VCL: variants seen among roughly 807,000 people sequenced by gnomAD.
VCL encodes epididymis luminal protein 114.
VCL carries 47 observed loss-of-function variants against 125.7 expected under a neutral mutation model. The ratio of observed to expected loss-of-function variants is 0.37; its 90% CI spans 0.30 to 0.48. The LOEUF is 0.48. Ranked by LOEUF, VCL falls within the 20% of genes least tolerant of loss-of-function variation. The probability of loss-of-function intolerance (pLI) is 0.99; values close to 1 mark genes in which losing one functional copy is unlikely to be tolerated. For synonymous variants in VCL, 458 were observed against 514.6 expected (o/e 0.89, Z 1.49); for missense variants, 1,069 against 1,455.5 (o/e 0.73, Z 4.32).
At chr10:74,055,053 C>A (rs956788281) in intron 2 of VCL, among the ~76,000 whole-genome samples, 5 of 151,940 alleles carry the variant, frequency 3.3e-5, no homozygotes, top group Admixed American at 6.6e-5. Flanking sequence ...TAATCCCAGC[C>A]TTTTGGGAGG....
chr10:74,109,551 A>C (rs1840187957), intron 18 of VCL, among the ~76,000 whole-genome samples: 1 of 149,756 alleles, frequency 6.7e-6, no homozygotes, highest in Non-Finnish European at 1.5e-5. Context: ...GGCTGTGCTA[A>C]AGCTAGATGA....
At chr10:74,075,717 A>C (rs943967041) in intron 6 of VCL, 2 of 152,668 alleles carry the variant, frequency 1.3e-5, no homozygotes, top group Non-Finnish European at 2.9e-5. Context: ...GGCCAGCCAG[A>C]AGGCTGGTAG....
chr10:74,101,898 T>C (rs1442449935), intron 14 of VCL, among the ~76,000 whole-genome samples: 1 of 148,028 alleles, frequency 6.8e-6, no homozygotes, highest in African/African-American at 2.5e-5. Flanking sequence ...AGAGTTTCGC[T>C]CTTGTCACCC....
At chr10:74,055,433 C>T (rs969499551) in intron 2 of VCL, among the ~76,000 whole-genome samples, 4 of 152,000 alleles carry the variant, frequency 2.6e-5, no homozygotes, top group African/African-American at 9.7e-5. Context: ...CAGCCTCAGC[C>T]TCCTGGGCTC....
chr10:74,020,458 G>T (rs1247743011), intron 1 of VCL, among the ~76,000 whole-genome samples: 1 of 152,148 alleles, frequency 6.6e-6, no homozygotes, highest in African/African-American at 2.4e-5. Context: ...TGGCGCATAA[G>T]GAAAGGGCTT....
intron 2 of VCL, among the ~76,000 whole-genome samples, chr10:74,059,186 C>A (rs1841435534): frequency 6.6e-6 from 1 of 152,062 alleles, no homozygotes; most frequent in Non-Finnish European, 1.5e-5. Context: ...GAAACCCCAT[C>A]TCTATTAAAA....
chr10:74,069,260 G>A (rs1044726327), intron 2 of VCL, among the ~76,000 whole-genome samples: 1 of 151,996 alleles, frequency 6.6e-6, no homozygotes, highest in African/African-American at 2.4e-5. Flanking sequence ...GGCTGGTCTC[G>A]AACTCCCAAC....
chr10:74,003,054 G>A (rs1018699956), intron 1 of VCL, among the ~76,000 whole-genome samples: 5 of 151,556 alleles, frequency 3.3e-5, no homozygotes, highest in African/African-American at 1.2e-4. Context: ...AATTAGGGAG[G>A]GGGTAGGGTG....
intron 21 of VCL, among the ~76,000 whole-genome samples, chr10:74,116,972 A>T (rs571114259): frequency 1.4e-4 from 21 of 152,330 alleles, no homozygotes; most frequent in Admixed American, 2.6e-4. Flanking sequence ...TGTATGACTT[A>T]AAAATAGCCA....
At chr10:73,999,489 A>G (rs183712897) in intron 1 of VCL, among the ~76,000 whole-genome samples, 2 of 152,236 alleles carry the variant, frequency 1.3e-5, no homozygotes, top group African/African-American at 4.8e-5. Flanking sequence ...GGTGACTCAG[A>G]CTGGTCCTGC....
chr10:74,094,348 C>T lies in VCL; in HGVS notation c.1430C>T (p.Thr477Ile). 2 of 1,614,200 alleles carry T rather than the reference C, an allele frequency of 1.2e-6. No individual in the cohort carries two copies. The highest frequency in any genetic ancestry group is 2.2e-5 in the South Asian group (2 of 91,078). ...ATALQNLQTK[T>I]NRAVANSRPA... ...GCCCTGCAGAACCTGCAGACCAAAA[C>T]CAACCGGGCTGTGGCCAACAGCAGA... Residue 477 changes from threonine to isoleucine, a missense_variant, in exon 11 of 22, where the codon ACC becomes ATC. Thr to Ile is a moderately conservative substitution (Grantham distance 89, BLOSUM62 -1). Coordinates refer to ENST00000211998, the MANE Select transcript of VCL (RefSeq NM_014000.3).
intron 1 of VCL, among the ~76,000 whole-genome samples, chr10:74,026,411 C>A (rs1477040099): frequency 6.6e-6 from 1 of 152,188 alleles, no homozygotes. Flanking sequence ...GGCAAATTGA[C>A]AAACTTCTCT....
At chr10:74,064,500 G>A (rs1309844853) in intron 2 of VCL, among the ~76,000 whole-genome samples, 1 of 152,044 alleles carries the variant, frequency 6.6e-6, no homozygotes, top group Admixed American at 6.6e-5. Flanking sequence ...TGATATCCTG[G>A]ACTCAAGCAC....
chr10:74,070,006 T>C (rs1050527347), intron 2 of VCL, among the ~76,000 whole-genome samples: 5 of 152,218 alleles, frequency 3.3e-5, no homozygotes, highest in African/African-American at 1.2e-4. Flanking sequence ...AAATTTTTGT[T>C]TTTATTTTCT....
intron 1 of VCL, among the ~76,000 whole-genome samples, chr10:74,023,046 G>A (rs568142303): frequency 8.6e-4 from 131 of 152,202 alleles, no homozygotes; most frequent in South Asian, 1.7e-3. Flanking sequence ...GACTTGTGTT[G>A]TTCTTTAATG....
chr10:74,020,359 A>G (rs1840636797), intron 1 of VCL, among the ~76,000 whole-genome samples: 1 of 152,240 alleles, frequency 6.6e-6, no homozygotes, highest in Non-Finnish European at 1.5e-5. Flanking sequence ...TTGGAAAAAG[A>G]AAAACTAAAT....
chr10:74,078,367 T>C (rs532247399), intron 6 of VCL, among the ~76,000 whole-genome samples: 1 of 152,212 alleles, frequency 6.6e-6, no homozygotes, highest in Non-Finnish European at 1.5e-5. Context: ...TGTGAGTGTG[T>C]AATACTACCC....
At chr10:74,025,475 G>A (rs1387563949) in intron 1 of VCL, among the ~76,000 whole-genome samples, 2 of 151,852 alleles carry the variant, frequency 1.3e-5, no homozygotes, top group African/African-American at 2.4e-5. Flanking sequence ...TTAGCTGAGT[G>A]TGGTGGTGTG....
intron 16 of VCL, among the ~76,000 whole-genome samples, chr10:74,106,047 A>C (rs1840128659): frequency 6.7e-6 from 1 of 149,788 alleles, no homozygotes; most frequent in Admixed American, 6.7e-5. Flanking sequence ...CAGCCTCCTG[A>C]GTAGCTGGGA....
Sources: allele counts gnomAD v4.1 joint callset (sites outside exome capture counted in the v4.1 genomes callset), GRCh38; gene constraint gnomAD v4.1.1; transcripts MANE v1.5; gene names NCBI Gene and HGNC (gene_info 2026-07-23, HGNC 2026-07-21).